Variants in UBE3B observed in about 807,000 individuals in gnomAD.
UBE3B encodes ubiquitin protein ligase E3B.
In UBE3B, 80 loss-of-function variants were observed where a neutral mutation model predicts 132.3. That is an observed-to-expected ratio of 0.60 (90% CI 0.50 to 0.73). The LOEUF (loss-of-function observed/expected upper bound fraction) is 0.73, where lower values mean the gene tolerates loss of function less well. Among genes scored for constraint, UBE3B ranks in the 30% least tolerant of loss-of-function variants. The pLI, the probability that UBE3B is intolerant of heterozygous loss-of-function variation, is 0.00. For missense variants in UBE3B, 1,196 were observed against 1,362.5 expected (o/e 0.88, Z 1.92); for synonymous variants, 487 against 520.4 (o/e 0.94, Z 0.87).
chr12:109,513,883 G>A (rs1452103169), intron 18 of UBE3B, among the ~76,000 whole-genome samples: 1 of 151,952 alleles, frequency 6.6e-6, no homozygotes, highest in East Asian at 1.9e-4. Flanking sequence ...TTGCCCCTCC[G>A]CCCATCTCAA....
intron 9 of UBE3B, among the ~76,000 whole-genome samples, chr12:109,497,139 T>C (rs1026301649): frequency 6.6e-6 from 1 of 152,054 alleles, no homozygotes; most frequent in Non-Finnish European, 1.5e-5. Context: ...AATACATGCT[T>C]ATTGTAGAAA....
At chr12:109,480,959 T>A (rs547310494) in intron 1 of UBE3B, among the ~76,000 whole-genome samples, 1 of 152,250 alleles carries the variant, frequency 6.6e-6, no homozygotes, top group East Asian at 1.9e-4. Context: ...TATTCACTTC[T>A]AAGGCATAAA....
At chr12:109,494,929 G>T (rs2135878163) in intron 9 of UBE3B, among the ~76,000 whole-genome samples, 1 of 152,328 alleles carries the variant, frequency 6.6e-6, no homozygotes, top group African/African-American at 2.4e-5. Context: ...ACAGCCCTTT[G>T]TACCCTTATA....
rs749193019 is a variant in UBE3B at position 109,521,196 on chromosome 12, G to T, written c.2125G>T (p.Val709Phe). Residue 709 changes from valine (V) to phenylalanine (F), a missense_variant, in exon 20 of 28, where the codon GTC (valine) becomes TTC (phenylalanine). Val to Phe is a conservative substitution (Grantham distance 50, BLOSUM62 -1). Coordinates refer to ENST00000342494, the MANE Select transcript of UBE3B (RefSeq NM_130466.4). The surrounding 1 kb of genome is among the most constrained non-coding windows in gnomAD (Gnocchi z 4.2). ...GCTCTCCCAGCACGCCATGAAGGGG[G>T]TCATCCGTGTGAAGTTTGTCAATGA... ...RQLSQHAMKG[V>F]IRVKFVNDLG... 6.2e-7 allele frequency: 1 copy of T among 1,614,202 alleles called. No individual in the cohort carries two copies. Among genetic ancestry groups the T allele is most frequent in the Non-Finnish European group, 8.5e-7 (1 of 1,180,026 alleles).
At chr12:109,542,232 A>T in the UBE3B span, among the ~76,000 whole-genome samples, 1 of 152,358 alleles carries the variant, frequency 6.6e-6, no homozygotes, top group South Asian at 2.1e-4. Flanking sequence ...CCCATGGCAG[A>T]CATTACTAAT....
chr12:109,487,111 T>TA (rs1343556567), intron 6 of UBE3B, among the ~76,000 whole-genome samples: 1 of 152,180 alleles, frequency 6.6e-6, no homozygotes, highest in African/African-American at 2.4e-5. Context: ...TTTATATTCT[T>TA]ACTCTGTCTT....
At position 109,483,889 on chromosome 12, in the gene UBE3B, G is replaced by A. The variant is rs776782001; in HGVS notation, c.190G>A (p.Asp64Asn). The change falls in exon 4 of 28, where the codon GAT becomes AAT. Residue 64 changes from aspartate to asparagine, a missense_variant. Transcript: ENST00000342494. The part of the protein sequence containing the change: ...RREIDDFFKA[D>N]DPESTKRSAL... ...AGAGATTGATGACTTTTTTAAAGCA[G>A]ATGACCCTGAGTCCACTAAAAGAAG... 6.2e-7 allele frequency: 1 copy of A among 1,613,382 alleles called. No homozygotes were observed. Among genetic ancestry groups the A allele is most frequent in the South Asian group, 1.1e-5 (1 of 90,774 alleles).
At chr12:109,486,620 T>C in intron 6 of UBE3B, 45 bp downstream of exon 6, 1 of 1,432,224 alleles carries the variant, frequency 7.0e-7, no homozygotes, top group Non-Finnish European at 9.5e-7. Context: ...CCAGAAACAG[T>C]ACGTATGTCA....
chr12:109,513,014 A>C (rs988101591), intron 18 of UBE3B, among the ~76,000 whole-genome samples: 1 of 152,142 alleles, frequency 6.6e-6, no homozygotes, highest in African/African-American at 2.4e-5. Flanking sequence ...ACAACCCCTA[A>C]AAGTGGCTTC....
chr12:109,547,088 A>G, the UBE3B span, among the ~76,000 whole-genome samples: 1 of 105,442 alleles, frequency 9.5e-6, no homozygotes, highest in Non-Finnish European at 2.2e-5. This position sits in a 1 kb window ranked among gnomAD's most constrained non-coding sequence, Gnocchi z 4.1. Context: ...AAAATGAGAC[A>G]AAGAGCCCCA....
intron 18 of UBE3B, among the ~76,000 whole-genome samples, chr12:109,514,566 G>A (rs1019991991): frequency 7.2e-5 from 11 of 152,154 alleles, no homozygotes; most frequent in African/African-American, 2.4e-4. Flanking sequence ...TTCCGCCTGT[G>A]TATCACCAAA....
chr12:109,516,665 C>T (rs1881106429), intron 18 of UBE3B, 100 bp from the exon 19 acceptor site: 1 of 1,538,606 alleles, frequency 6.5e-7, no homozygotes, highest in Non-Finnish European at 8.8e-7. Flanking sequence ...ATTCTGCTTG[C>T]ATCTCATCTA....
At chr12:109,540,378 ATTTTGT>A (rs1883586298), downstream of UBE3B, among the ~76,000 whole-genome samples, 1 of 152,000 alleles carries the variant, frequency 6.6e-6, no homozygotes, top group African/African-American at 2.4e-5. Flanking sequence ...CGGCTAGTTT[ATTTTGT>A]ATTTTTTATA....
intron 23 of UBE3B, among the ~76,000 whole-genome samples, chr12:109,525,490 C>G (rs1372357480): frequency 6.6e-6 from 1 of 152,172 alleles, no homozygotes; most frequent in Admixed American, 6.5e-5. Context: ...ACTGGTGCCA[C>G]CTGAGATGCT....
chr12:109,528,474 G>A, intron 24 of UBE3B: 1 of 985,350 alleles, frequency 1.0e-6, no homozygotes, highest in Non-Finnish European at 1.2e-6. Context: ...TAAAGCTTTA[G>A]CATTGTAAAA....
intron 6 of UBE3B, among the ~76,000 whole-genome samples, chr12:109,486,919 C>G (rs1461064030): frequency 6.6e-6 from 1 of 152,176 alleles, no homozygotes; most frequent in African/African-American, 2.4e-5. Flanking sequence ...CAGCTAGTAT[C>G]ACGTACCAGT....
At chr12:109,496,961 C>G (rs1270952829) in intron 9 of UBE3B, among the ~76,000 whole-genome samples, 1 of 152,084 alleles carries the variant, frequency 6.6e-6, no homozygotes, top group East Asian at 1.9e-4. Context: ...CATTGCCTAA[C>G]CTGAAATCTC....
chr12:109,540,558 T>A (rs1555272552), downstream of UBE3B, among the ~76,000 whole-genome samples: 2 of 152,166 alleles, frequency 1.3e-5, no homozygotes, highest in Non-Finnish European at 2.9e-5. Context: ...CTCCAAATGC[T>A]TCTAAATCTG....
At chr12:109,493,384 C>A (rs1877741228) in intron 9 of UBE3B, among the ~76,000 whole-genome samples, 1 of 152,224 alleles carries the variant, frequency 6.6e-6, no homozygotes, top group Non-Finnish European at 1.5e-5. Flanking sequence ...CCTTTCTTAC[C>A]TGTCCAGCAT....
Sources: gnomAD v4.1 joint callset for allele counts (sites outside exome capture counted in the v4.1 genomes callset) on GRCh38, gnomAD v4.1.1 for gene constraint, Gnocchi (gnomAD v3.1) non-coding constraint, MANE v1.5 for transcripts, NCBI Gene and HGNC (gene_info 2026-07-23, HGNC 2026-07-21) for gene names.